TP63: variants seen among roughly 807,000 people sequenced by gnomAD.
The protein encoded by TP63 is tumor protein p63.
TP63 carries 17 observed loss-of-function variants against 82.8 expected under a neutral mutation model. That is an observed-to-expected ratio of 0.21 (90% CI 0.14 to 0.31). TP63 has a LOEUF of 0.31. Among genes scored for constraint, TP63 ranks in the 10% least tolerant of loss-of-function variants. TP63 has a pLI of 1.00. For synonymous variants in TP63, 330 were observed against 321.7 expected (o/e 1.03, Z -0.28); for missense variants, 648 against 895.3 (o/e 0.72, Z 3.52).
chr3:189,731,580 CA>C (rs10719404), intron 1 of TP63, among the ~76,000 whole-genome samples: 2,254 of 152,244 alleles, frequency 0.015, 44 homozygotes, highest in African/African-American at 0.051. Context: ...AAAGGTGCAA[CA>C]GACTAAAATG....
chr3:189,611,941 T>C, the TP63 span, among the ~76,000 whole-genome samples: 2 of 152,188 alleles, frequency 1.3e-5, no homozygotes, highest in Admixed American at 6.5e-5. Context: ...TTGTTGGTGG[T>C]GTATAGGAAT....
At chr3:189,778,015 C>A (rs539565098) in intron 3 of TP63, among the ~76,000 whole-genome samples, 5 of 152,066 alleles carry the variant, frequency 3.3e-5, no homozygotes, top group African/African-American at 1.2e-4. Context: ...GCCATCACAT[C>A]TGGCTAATTT....
chr3:189,682,502 C>A (rs1577231610), intron 1 of TP63, among the ~76,000 whole-genome samples: 1 of 140,914 alleles, frequency 7.1e-6, no homozygotes. Context: ...TTGTTTAACC[C>A]AGCAGTTTCA....
At chr3:189,835,958 A>AATG (rs1267747084) in intron 4 of TP63, among the ~76,000 whole-genome samples, 1 of 129,590 alleles carries the variant, frequency 7.7e-6, no homozygotes, top group Non-Finnish European at 1.7e-5. Context: ...TAATAATAAT[A>AATG]ATAATAATAA....
rs1161597866 is a variant in TP63 at position 189,731,829 on chromosome 3, A to C, written c.63-5911A>C. 5.3e-5 allele frequency among the ~76,000 whole-genome samples: 8 copies of C among 152,336 alleles called. No individual in the cohort carries two copies. In the East Asian group the frequency reaches 1.5e-3, roughly 29 times the overall value. ...GAACAGAATGATTGTTCTATGAGTAAATTGATACTGAGAGTCACCCAAAGG... is the reference window on the plus strand; with the variant it reads ...GAACAGAATGATTGTTCTATGAGTACATTGATACTGAGAGTCACCCAAAGG... On this transcript the variant is annotated intron_variant, in intron 1 of 13. Coordinates refer to ENST00000264731, the MANE Select transcript of TP63 (RefSeq NM_003722.5).
At chr3:189,843,206 GAC>G (rs1358312878) in intron 4 of TP63, among the ~76,000 whole-genome samples, 1 of 152,182 alleles carries the variant, frequency 6.6e-6, no homozygotes, top group African/African-American at 2.4e-5. Context: ...GAAGACCCAG[GAC>G]ACATTACTCC....
At chr3:189,622,515 T>C in the TP63 span, among the ~76,000 whole-genome samples, 3 of 152,318 alleles carry the variant, frequency 2.0e-5, no homozygotes, top group African/African-American at 7.2e-5. Flanking sequence ...AGTAGTTATC[T>C]AAATAGGTAA....
At chr3:189,847,775 A>G (rs940086296) in intron 4 of TP63, among the ~76,000 whole-genome samples, 3 of 152,190 alleles carry the variant, frequency 2.0e-5, no homozygotes, top group Non-Finnish European at 4.4e-5. Flanking sequence ...TCAAGCTCCC[A>G]TTGTGAGAAT....
chr3:189,765,689 TCCCAAAGTGC>T (rs1722911157), intron 3 of TP63, among the ~76,000 whole-genome samples: 2 of 151,790 alleles, frequency 1.3e-5, no homozygotes, highest in African/African-American at 2.4e-5. Flanking sequence ...CACCTCGGCC[TCCCAAAGTGC>T]TGGGATTTAA....
At chr3:189,812,006 C>T (rs1447773810) in intron 4 of TP63, among the ~76,000 whole-genome samples, 1 of 152,170 alleles carries the variant, frequency 6.6e-6, no homozygotes, top group Admixed American at 6.5e-5. Context: ...TAAAATGCTG[C>T]ATTTTAGAAC....
At position 189,858,728 on chromosome 3, in the gene TP63, G is replaced by A. The variant is rs182435050; in HGVS notation, c.580-5504G>A. ...TGGGAGGTCGAGGATGCAGTGAGCC[G>A]TGATGGTGCCACTGTACTGCAGCCT... On this transcript the variant is annotated intron_variant, in intron 4 of 13. Coordinates refer to ENST00000264731, the MANE Select transcript of TP63 (RefSeq NM_003722.5). Among the ~76,000 whole-genome samples the A allele has an allele frequency of 5.1e-4, 78 of 152,294 alleles. 1 individual carries two copies. Among genetic ancestry groups the A allele is most frequent in the Non-Finnish European group, 3.1e-4 (21 of 68,022 alleles).
chr3:189,672,991 C>T (rs918085651), intron 1 of TP63, among the ~76,000 whole-genome samples: 23 of 152,088 alleles, frequency 1.5e-4, no homozygotes, highest in African/African-American at 5.6e-4. Flanking sequence ...CAGACTCCTG[C>T]CACCACGCCT....
intron 1 of TP63, among the ~76,000 whole-genome samples, chr3:189,735,026 A>C (rs1401045865): frequency 1.3e-5 from 2 of 152,188 alleles, no homozygotes; most frequent in African/African-American, 4.8e-5. Context: ...GGGTGTCATT[A>C]ATCTACAGAA....
intron 4 of TP63, among the ~76,000 whole-genome samples, chr3:189,818,858 G>A (rs1051177064): frequency 6.6e-6 from 1 of 152,200 alleles, no homozygotes; most frequent in Non-Finnish European, 1.5e-5. Context: ...TATGAGAAGA[G>A]TTTGAATTGC....
chr3:189,698,680 G>A (rs1464213840), intron 1 of TP63, among the ~76,000 whole-genome samples: 1 of 152,122 alleles, frequency 6.6e-6, no homozygotes, highest in African/African-American at 2.4e-5. Flanking sequence ...ATATCTGCAT[G>A]TAGTAAATTA....
intron 13 of TP63, among the ~76,000 whole-genome samples, chr3:189,891,998 C>G (rs988488081): frequency 1.3e-4 from 20 of 152,168 alleles, no homozygotes; most frequent in African/African-American, 4.3e-4. Flanking sequence ...CCCCTATGCC[C>G]ACCCCTCTTC....
chr3:189,813,196 C>T (rs1727765541), intron 4 of TP63, among the ~76,000 whole-genome samples: 1 of 152,190 alleles, frequency 6.6e-6, no homozygotes, highest in South Asian at 2.1e-4. Flanking sequence ...GTGGGCCTTA[C>T]TTATGGCAGA....
chr3:189,842,332 G>T (rs1272922724), intron 4 of TP63, among the ~76,000 whole-genome samples: 1 of 152,114 alleles, frequency 6.6e-6, no homozygotes, highest in African/African-American at 2.4e-5. Flanking sequence ...AAGAGGTACA[G>T]GAATGTTTTA....
At chr3:189,760,582 C>T (rs1722494210) in intron 3 of TP63, among the ~76,000 whole-genome samples, 1 of 152,316 alleles carries the variant, frequency 6.6e-6, no homozygotes. Context: ...TATAGCTTCC[C>T]TCCTGGCTGC....
Sources: allele counts gnomAD v4.1 joint callset (sites outside exome capture counted in the v4.1 genomes callset), GRCh38; gene constraint gnomAD v4.1.1; transcripts MANE v1.5; gene names NCBI Gene and HGNC (gene_info 2026-07-23, HGNC 2026-07-21).